The following XYLT1 variants were observed in gnomAD, a reference collection of about 807,000 sequenced individuals.
XYLT1 encodes the protein xylosyltransferase 1, also known as beta-D-xylosyltransferase 1.
A neutral mutation model predicts 91.3 loss-of-function variants in XYLT1; 36 were observed. The ratio of observed to expected loss-of-function variants is 0.39; its 90% CI spans 0.30 to 0.52. The LOEUF is 0.52. Among genes scored for constraint, XYLT1 ranks in the 20% least tolerant of loss-of-function variants. The pLI is 0.68. For synonymous variants in XYLT1, 588 were observed against 532.0 expected (o/e 1.11, Z -1.45); for missense variants, 1,242 against 1,284.5 (o/e 0.97, Z 0.51).
chr16:17,170,738 A>G (rs1486412260), intron 5 of XYLT1, among the ~76,000 whole-genome samples: 4 of 152,194 alleles, frequency 2.6e-5, no homozygotes, highest in Non-Finnish European at 4.4e-5. Context: ...GGGTTTATTC[A>G]AATAATCACC....
chr16:17,268,735 C>T (rs62033192), intron 2 of XYLT1, among the ~76,000 whole-genome samples: 20,402 of 147,822 alleles, frequency 0.14, 1,561 homozygotes, highest in African/African-American at 0.18. Context: ...TACAGTGGTG[C>T]AATCTCGGCT....
intron 1 of XYLT1, among the ~76,000 whole-genome samples, chr16:17,380,894 G>A (rs2035671640): frequency 6.6e-6 from 1 of 152,182 alleles, no homozygotes; most frequent in Admixed American, 6.5e-5. Flanking sequence ...AGAGAAACCA[G>A]CCAGTTACAA....
intron 2 of XYLT1, among the ~76,000 whole-genome samples, chr16:17,289,907 C>T (rs565236162): frequency 5.3e-5 from 8 of 152,292 alleles, no homozygotes; most frequent in South Asian, 2.1e-4. Flanking sequence ...AGGAAGATGA[C>T]GATGACTTTC....
chr16:17,232,339 T>C (rs1245414565), intron 3 of XYLT1, among the ~76,000 whole-genome samples: 2 of 144,230 alleles, frequency 1.4e-5, no homozygotes, highest in African/African-American at 2.5e-5. Flanking sequence ...CACCATTGTA[T>C]ATGCAGTCCA....
At chr16:17,407,896 C>T (rs994749954) in intron 1 of XYLT1, among the ~76,000 whole-genome samples, 2 of 152,200 alleles carry the variant, frequency 1.3e-5, no homozygotes, top group African/African-American at 2.4e-5. Context: ...TACCCTCCTT[C>T]TATTAGTTCT....
intron 11 of XYLT1, among the ~76,000 whole-genome samples, chr16:17,115,445 C>G (rs1232781125): frequency 6.6e-6 from 1 of 150,582 alleles, no homozygotes; most frequent in South Asian, 2.1e-4. Context: ...GATTGCATGA[C>G]TGCACTCCAG....
At chr16:17,274,567 G>A (rs186479760) in intron 2 of XYLT1, among the ~76,000 whole-genome samples, 92 of 152,290 alleles carry the variant, frequency 6.0e-4, no homozygotes, top group Admixed American at 5.6e-3. Flanking sequence ...TTTTAATATA[G>A]GACCAAAAGG....
intron 2 of XYLT1, among the ~76,000 whole-genome samples, chr16:17,286,950 C>T (rs991053587): frequency 6.6e-5 from 10 of 152,134 alleles, no homozygotes; most frequent in Non-Finnish European, 1.3e-4. Context: ...ACCCACCAAA[C>T]ACCACCCAGC....
chr16:17,110,378 A>AT (rs1555477789), intron 11 of XYLT1, among the ~76,000 whole-genome samples: 1 of 152,182 alleles, frequency 6.6e-6, no homozygotes, highest in Non-Finnish European at 1.5e-5. Flanking sequence ...TTGAATCATG[A>AT]TGAGTTTTTG....
chr16:17,304,829 T>G (rs1368642936), intron 2 of XYLT1, among the ~76,000 whole-genome samples: 1 of 152,218 alleles, frequency 6.6e-6, no homozygotes, highest in Admixed American at 6.6e-5. Flanking sequence ...TCTATTCATT[T>G]GTATATCCCC....
At chr16:17,187,229 TA>T (rs1323348135) in intron 5 of XYLT1, among the ~76,000 whole-genome samples, 3 of 151,170 alleles carry the variant, frequency 2.0e-5, no homozygotes, top group African/African-American at 4.9e-5. Flanking sequence ...CTGTCTCTAC[TA>T]AAAAGACAAA....
At chr16:17,395,085 C>G (rs777156419) in intron 1 of XYLT1, among the ~76,000 whole-genome samples, 1 of 152,142 alleles carries the variant, frequency 6.6e-6, no homozygotes, top group African/African-American at 2.4e-5. Context: ...AACTTACAAT[C>G]GTGGCAGAAG....
In XYLT1 at chr16:17,235,980, C is replaced by A. The variant is rs566991508; in HGVS notation, c.913+23008G>T. ...CTCCCGGGTTCAAGCAATTCTCCTG[C>A]CTCAGCCTCCCGAGTAGCTGGGACT... On this transcript the variant is annotated intron_variant, in intron 3 of 11. Coordinates refer to ENST00000261381, the MANE Select transcript of XYLT1 (RefSeq NM_022166.4). Among the ~76,000 whole-genome samples, 17 of 152,306 alleles carry A rather than the reference C, an allele frequency of 1.1e-4. No homozygotes were observed. The South Asian group carries it at 3.5e-3, about 32-fold the overall frequency.
chr16:17,272,019 G>C (rs2033902470), intron 2 of XYLT1, among the ~76,000 whole-genome samples: 1 of 152,160 alleles, frequency 6.6e-6, no homozygotes, highest in African/African-American at 2.4e-5. Context: ...AGAAATGGCA[G>C]CTGCATGAGG....
intron 3 of XYLT1, among the ~76,000 whole-genome samples, chr16:17,201,735 C>A (rs571234557): frequency 3.3e-5 from 5 of 152,234 alleles, no homozygotes; most frequent in South Asian, 4.1e-4. Flanking sequence ...CTTGGCCTCC[C>A]AAAGTGCTGG....
intron 1 of XYLT1, among the ~76,000 whole-genome samples, chr16:17,364,486 T>G (rs905310037): frequency 2.0e-5 from 3 of 152,200 alleles, no homozygotes; most frequent in Non-Finnish European, 4.4e-5. Flanking sequence ...TCTCTTTGAT[T>G]TCTTCCTCCA....
At chr16:17,366,968 G>A (rs2035463097) in intron 1 of XYLT1, among the ~76,000 whole-genome samples, 1 of 152,026 alleles carries the variant, frequency 6.6e-6, no homozygotes, top group African/African-American at 2.4e-5. Flanking sequence ...GAAGCCATAA[G>A]GAGCACTGAA....
intron 11 of XYLT1, among the ~76,000 whole-genome samples, chr16:17,111,293 G>T (rs1966840312): frequency 2.6e-5 from 4 of 152,190 alleles, no homozygotes; most frequent in Admixed American, 2.0e-4. Flanking sequence ...TTGGGGTGAA[G>T]GAAAGAAGCT....
chr16:17,300,639 T>C lies in XYLT1; in HGVS notation c.403-41141A>G, dbSNP rs1431106286. ...ACCTGGCTAATTTTCATGTTTTTAG[T>C]AGTGACGGGGTTTCATCACCACCTT... On this transcript the variant is annotated intron_variant, in intron 2 of 11. Transcript: ENST00000261381. 2.6e-5 allele frequency among the ~76,000 whole-genome samples: 4 copies of C among 151,682 alleles called. No individual in the cohort carries two copies. The East Asian group carries it at 7.8e-4, about 29-fold the overall frequency.
Sources: allele counts gnomAD v4.1 joint callset (sites outside exome capture counted in the v4.1 genomes callset), GRCh38; gene constraint gnomAD v4.1.1; transcripts MANE v1.5; gene names NCBI Gene and HGNC (gene_info 2026-07-23, HGNC 2026-07-21).